Variants in TTC21A observed in about 807,000 individuals in gnomAD.
The protein encoded by TTC21A is tetratricopeptide repeat domain 21A, also known as tetratricopeptide repeat protein 21A.
TTC21A carries 128 observed loss-of-function variants against 156.4 expected under a neutral mutation model. That is an observed-to-expected ratio of 0.82 (90% CI 0.71 to 0.95). The LOEUF is 0.95. Among genes scored for constraint, TTC21A ranks in the 40% least tolerant of loss-of-function variants. The probability of loss-of-function intolerance (pLI) is 0.00; values close to 1 mark genes in which losing one functional copy is unlikely to be tolerated. For missense variants in TTC21A, 1,435 were observed against 1,602.3 expected (o/e 0.90, Z 1.78); for synonymous variants, 587 against 617.1 (o/e 0.95, Z 0.72).
chr3:39,136,167 T>C (rs116570656), intron 22 of TTC21A, 190 bp from the exon 23 acceptor site: 10,472 of 556,182 alleles, frequency 0.019, 158 homozygotes, highest in Non-Finnish European at 0.026. Context: ...GCTGCTATTC[T>C]TTACTATTTT....
At position 39,121,071 on chromosome 3, in the gene TTC21A, T is replaced by C. The variant is rs753818179; in HGVS notation, c.975T>C (p.Tyr325=). Residue 325 remains tyrosine, a synonymous_variant, in exon 9 of 29, where the codon TAT becomes TAC. Transcript: ENST00000683103. ...GCACCTTCATGGCCACCCCCTCGTATGTCCATGTGGCCACAGAACTGGGCT... is the reference window on the plus strand; with the variant it reads ...GCACCTTCATGGCCACCCCCTCGTACGTCCATGTGGCCACAGAACTGGGCT... ...IERTFMATPS[Y]VHVATELGYL... The C allele has an allele frequency of 1.2e-5, 20 of 1,614,048 alleles. No homozygotes were observed. Among genetic ancestry groups the C allele is most frequent in the Non-Finnish European group, 1.6e-5 (19 of 1,180,016 alleles).
intron 7 of TTC21A, chr3:39,119,283 C>G (rs937882810): frequency 1.1e-4 from 17 of 152,352 alleles, no homozygotes; most frequent in Admixed American, 1.0e-3. Context: ...GAATTCCTTA[C>G]TCCTGGGTGG....
At position 39,109,094 on chromosome 3, in the gene TTC21A, A is replaced by C. The variant is rs761448000; in HGVS notation, c.37A>C (p.Ile13Leu). Residue 13 changes from isoleucine (I) to leucine (L), a missense_variant, in exon 2 of 29, where the codon ATT becomes CTT. Ile to Leu is a conservative substitution (Grantham distance 5, BLOSUM62 2). Transcript: ENST00000683103. The part of the protein sequence containing the change: ...SNDSSLMAGI[I>L]YYSQEKYFHH... ...GTCTTCCTTCATACAGGCTGGGATCATTTACTATAGCCAGGAAAAGTACTT... is the reference window on the plus strand; with the variant it reads ...GTCTTCCTTCATACAGGCTGGGATCCTTTACTATAGCCAGGAAAAGTACTT... 2.5e-6 allele frequency: 4 copies of C among 1,614,022 alleles called. No individual in the cohort carries two copies. The Admixed American group carries it at 6.7e-5, about 27-fold the overall frequency.
chr3:39,135,182 T>C lies in TTC21A; in HGVS notation c.2944+8T>C. ...TCTTGGAGAAAGCGCCAGGTAATTC[T>C]GCCCATGGAGACTGCCTGTACCAGT... is the stretch of plus-strand genomic sequence containing the variant. On this transcript the variant is annotated splice_region_variant and intron_variant, in intron 22 of 28. Transcript: ENST00000683103. The C allele has an allele frequency of 6.2e-7, 1 of 1,613,270 alleles. No homozygotes were observed. Among genetic ancestry groups the C allele is most frequent in the South Asian group, 1.1e-5 (1 of 91,058 alleles).
In TTC21A at chr3:39,111,123, C is replaced by A. The variant is rs905418453; in HGVS notation, c.435+106C>A. On this transcript the variant is annotated intron_variant, in intron 4 of 28. Transcript: ENST00000683103. ...AAGGGCCCTGAAACTGGGGGAGAGCCACACCCAGGCACTGGCAAAACACCG... is the reference window on the plus strand; with the variant it reads ...AAGGGCCCTGAAACTGGGGGAGAGCAACACCCAGGCACTGGCAAAACACCG... 6 of 1,256,244 alleles carry A rather than the reference C, an allele frequency of 4.8e-6. No individual in the cohort carries two copies. In the African/African-American group the frequency reaches 9.0e-5, roughly 19 times the overall value. 77.8% of individuals were successfully genotyped at this position (1,256,244 alleles called of 1,614,324 possible). A position where few individuals can be genotyped will look rare whatever the true frequency, so the allele number is the denominator to read the frequency against.
At chr3:39,131,164 G>C in intron 19 of TTC21A, 69 bp downstream of exon 19, 2 of 1,348,826 alleles carry the variant, frequency 1.5e-6, no homozygotes. Context: ...GGAGGAAGGA[G>C]AGAGCTCCAG....
chr3:39,117,808 A>T (rs977233533), intron 6 of TTC21A, among the ~76,000 whole-genome samples: 1 of 152,168 alleles, frequency 6.6e-6, no homozygotes, highest in South Asian at 2.1e-4. Context: ...GCATGCTGGT[A>T]GGGCACAACT....
In TTC21A at chr3:39,126,437, A is replaced by T. The variant is rs1374921578; in HGVS notation, c.1522+47A>T. On this transcript the variant is annotated intron_variant, in intron 12 of 28. Transcript: ENST00000683103. Reference sequence around the variant, plus strand: ...CCGGGTGGGGCCTTGCAAACACCTGATGTAGCTTTGTGTCTGCAGGCTCCT... The same window carrying T: ...CCGGGTGGGGCCTTGCAAACACCTGTTGTAGCTTTGTGTCTGCAGGCTCCT... The T allele has an allele frequency of 4.4e-6, 7 of 1,598,656 alleles. No homozygotes were observed. In the South Asian group the frequency reaches 6.6e-5, roughly 15 times the overall value.
chr3:39,137,334 A>G lies in TTC21A; in HGVS notation c.3397A>G (p.Lys1133Glu), dbSNP rs776432872. The part of the protein sequence containing the change: ...QGLCRLATRE[K>E]ANMEAALGSF... ...CCTCTGCCGGCTGGCCACCAGGGAG[A>G]AGGCTAACATGGAGGCTGCGCTGGG... The change falls in exon 25 of 29, where the codon AAG becomes GAG. Residue 1133 changes from lysine to glutamate, a missense_variant. Transcript: ENST00000683103. 33 of 1,613,808 alleles carry G rather than the reference A, an allele frequency of 2.0e-5. No individual in the cohort carries two copies. The Admixed American group carries it at 5.2e-4, about 25-fold the overall frequency.
At position 39,130,618 on chromosome 3, in the gene TTC21A, G is replaced by A. The variant is rs1051893913; in HGVS notation, c.2320-83G>A. On this transcript the variant is annotated intron_variant, in intron 17 of 28. Coordinates refer to ENST00000683103, the MANE Select transcript of TTC21A (RefSeq NM_001366900.1). This position sits in a 1 kb window ranked among gnomAD's most constrained non-coding sequence, Gnocchi z 4.5. ...CTATGTTCTGGAGGGGCACACTGGT[G>A]TGATGGCTGCTGAGGGGAACATGGT... 1.2e-5 allele frequency: 18 copies of A among 1,551,852 alleles called. No homozygotes were observed. The African/African-American group carries it at 2.2e-4, about 19-fold the overall frequency.
intron 7 of TTC21A, chr3:39,119,644 G>T: frequency 4.6e-6 from 1 of 219,540 alleles, no homozygotes. Flanking sequence ...AAAAAAAAAA[G>T]AAAAAAAAGA....
rs556016254 is a variant in TTC21A, at chr3:39,133,169, G to A, written c.2680G>A (p.Ala894Thr). Reference sequence around the variant, plus strand: ...CATCCAATTTGCAGAGCACTACCTGGCAGAGAAAGAGTATGACAAGGCGGT... The same window carrying A: ...CATCCAATTTGCAGAGCACTACCTGACAGAGAAAGAGTATGACAAGGCGGT... ...ICIQFAEHYL[A>T]EKEYDKAVQS... Residue 894 changes from alanine to threonine, a missense_variant, in exon 20 of 29, where the codon GCA becomes ACA. By Grantham distance (58) the Ala-to-Thr change is moderately conservative (BLOSUM62 0). Coordinates refer to ENST00000683103, the MANE Select transcript of TTC21A (RefSeq NM_001366900.1). The A allele has an allele frequency of 2.5e-6, 4 of 1,614,212 alleles. No homozygotes were observed. The South Asian group carries it at 3.3e-5, about 13-fold the overall frequency.
rs867738313 is a variant in TTC21A, at chr3:39,137,561, C to T, written c.3526C>T (p.Gln1176Ter). 2 of 1,614,134 alleles carry T rather than the reference C, an allele frequency of 1.2e-6. No individual in the cohort carries two copies. The highest frequency in any genetic ancestry group is 1.3e-5 in the African/African-American group (1 of 74,936). The change falls in exon 26 of 29, where the codon CAG becomes TAG. Residue 1176 changes from glutamine to a stop codon, truncating the protein, a stop_gained. Coordinates refer to ENST00000683103, the MANE Select transcript of TTC21A (RefSeq NM_001366900.1). LOFTEE classifies it high-confidence loss of function. ...FLKQIPKARM[Q>*]LKRLAKTPWV... is the part of the protein sequence containing the mutation. ...GAAGCAGATCCCCAAGGCGCGTATGCAGTTGAAGCGCCTGGCCAAGACCCC... is the reference window on the plus strand; with the variant it reads ...GAAGCAGATCCCCAAGGCGCGTATGTAGTTGAAGCGCCTGGCCAAGACCCC...
At chr3:39,119,631 C>CAAAAAAAAAA (rs56678795) in intron 7 of TTC21A, 1 of 129,620 alleles carries the variant, frequency 7.7e-6, no homozygotes, top group Non-Finnish European at 1.5e-5. Context: ...AAGGAGCAGT[C>CAAAAAAAAAA]AAAAAAAAAA....
chr3:39,138,472 G>C, intron 27 of TTC21A, 84 bp from the exon 28 acceptor site: 2 of 1,613,616 alleles, frequency 1.2e-6, no homozygotes, highest in Non-Finnish European at 1.7e-6. Context: ...AGAACTCAAG[G>C]CCTGTACCCT....
At chr3:39,124,964 A>C (rs189897496) in intron 9 of TTC21A, 99 bp from the exon 10 acceptor site, 14 of 795,884 alleles carry the variant, frequency 1.8e-5, no homozygotes, top group Non-Finnish European at 3.2e-5. Context: ...CTACACTGAG[A>C]CATCTTCCTT....
At chr3:39,135,313 A>G in intron 22 of TTC21A, 139 bp downstream of exon 22, 1 of 763,408 alleles carries the variant, frequency 1.3e-6, no homozygotes, top group Non-Finnish European at 2.2e-6. Context: ...GAGAAGCAGG[A>G]AACTGATAAA....
intron 6 of TTC21A, among the ~76,000 whole-genome samples, chr3:39,115,443 T>A (rs928480527): frequency 2.6e-5 from 4 of 152,160 alleles, no homozygotes; most frequent in Non-Finnish European, 5.9e-5. Context: ...GGAGGATTGC[T>A]TGAGCCCAGA....
intron 26 of TTC21A, 125 bp from the exon 27 acceptor site, chr3:39,138,142 G>A (rs753983852): frequency 3.7e-5 from 54 of 1,464,146 alleles, no homozygotes; most frequent in Non-Finnish European, 4.8e-5. Flanking sequence ...TCCCTTGGCA[G>A]TTTGGTTTAT....
Sources: gnomAD v4.1 joint callset for allele counts (sites outside exome capture counted in the v4.1 genomes callset) on GRCh38, gnomAD v4.1.1 for gene constraint, Gnocchi (gnomAD v3.1) non-coding constraint, MANE v1.5 for transcripts, NCBI Gene and HGNC (gene_info 2026-07-23, HGNC 2026-07-21) for gene names.